Variants in PPFIA1 observed in about 807,000 individuals in gnomAD.
PPFIA1 encodes the protein liprin-alpha-1.
A neutral mutation model predicts 149.9 loss-of-function variants in PPFIA1; 25 were observed. That is an observed-to-expected ratio of 0.17 (90% CI 0.12 to 0.23). The LOEUF is 0.23. Among genes scored for constraint, PPFIA1 ranks in the 10% least tolerant of loss-of-function variants. The probability of loss-of-function intolerance (pLI) is 1.00; values close to 1 mark genes in which losing one functional copy is unlikely to be tolerated. For synonymous variants in PPFIA1, 549 were observed against 552.8 expected (o/e 0.99, Z 0.10); for missense variants, 1,362 against 1,506.5 (o/e 0.90, Z 1.59).
intron 14 of PPFIA1, among the ~76,000 whole-genome samples, chr11:70,342,398 A>G (rs528057709): frequency 2.6e-5 from 4 of 152,188 alleles, no homozygotes; most frequent in Non-Finnish European, 5.9e-5. Context: ...GTGAGGTGGC[A>G]TGAAAGAATC....
intron 2 of PPFIA1, among the ~76,000 whole-genome samples, chr11:70,321,641 G>C (rs1292795649): frequency 6.6e-6 from 1 of 152,158 alleles, no homozygotes; most frequent in Non-Finnish European, 1.5e-5. Context: ...AAAGGAAGAA[G>C]AACTTGAAAT....
chr11:70,347,525 G>T (rs1030653685), intron 15 of PPFIA1, among the ~76,000 whole-genome samples: 2 of 152,040 alleles, frequency 1.3e-5, no homozygotes, highest in Non-Finnish European at 2.9e-5. Flanking sequence ...AACATAGGAA[G>T]ACCTTGTCTC....
At chr11:70,354,982 G>A (rs1490667970) in intron 17 of PPFIA1, among the ~76,000 whole-genome samples, 1 of 151,940 alleles carries the variant, frequency 6.6e-6, no homozygotes, top group East Asian at 1.9e-4. Context: ...TGTTGCCCAG[G>A]CTGGAGTACA....
intron 9 of PPFIA1, chr11:70,333,121 C>A: frequency 2.1e-6 from 1 of 475,362 alleles, no homozygotes; most frequent in South Asian, 1.5e-5. Context: ...CTGCTCCTTG[C>A]TTGTGCTTGC....
chr11:70,339,196 G>A lies in PPFIA1; in HGVS notation c.1597G>A (p.Asp533Asn). The change falls in exon 14 of 28, where the codon GAT becomes AAT. Residue 533 changes from aspartate (D) to asparagine (N), a missense_variant. By Grantham distance (23) the Asp-to-Asn change is conservative. This residue lies in a region of PPFIA1 where 733 missense variants were observed against 744.1 expected (regional missense o/e 0.99). Transcript: ENST00000253925. ...CCGACCCCACTTGGGCAGTGTCCCA[G>A]ATTTCAGGTTCCCCATGGCAGACGG... ...HGRPHLGSVP[D>N]FRFPMADGHT... 1 of 1,613,970 alleles carries A rather than the reference G, an allele frequency of 6.2e-7. No individual in the cohort carries two copies. The highest frequency in any genetic ancestry group is 2.2e-5 in the East Asian group (1 of 44,896).
intron 4 of PPFIA1, 37 bp from the exon 5 acceptor site, chr11:70,325,463 C>T (rs1591215725): frequency 2.0e-5 from 16 of 788,120 alleles, no homozygotes; most frequent in Middle Eastern, 2.8e-4. Flanking sequence ...AAACAGTATA[C>T]ACACACACAC....
At chr11:70,296,948 A>G (rs1257640614) in intron 2 of PPFIA1, among the ~76,000 whole-genome samples, 6 of 152,108 alleles carry the variant, frequency 3.9e-5, no homozygotes, top group Non-Finnish European at 8.8e-5. Flanking sequence ...CGTGGTGAAG[A>G]TAGTTAATTC....
At chr11:70,292,680 C>A (rs901855873) in intron 2 of PPFIA1, among the ~76,000 whole-genome samples, 1 of 152,162 alleles carries the variant, frequency 6.6e-6, no homozygotes, top group African/African-American at 2.4e-5. Flanking sequence ...TGAGCCCCCA[C>A]TGAAGCCTCG....
At chr11:70,271,547 A>C (rs1223006537) in intron 1 of PPFIA1, among the ~76,000 whole-genome samples, 1 of 151,756 alleles carries the variant, frequency 6.6e-6, no homozygotes, top group South Asian at 2.1e-4. Flanking sequence ...AAACTTACGT[A>C]AGTTAGGTTG....
chr11:70,323,278 G>A (rs1265364292), intron 2 of PPFIA1, among the ~76,000 whole-genome samples: 1 of 152,080 alleles, frequency 6.6e-6, no homozygotes, highest in Non-Finnish European at 1.5e-5. Flanking sequence ...CCTGAATGAC[G>A]CCCCTGGTCT....
At chr11:70,293,959 T>TG (rs2051714894) in intron 2 of PPFIA1, among the ~76,000 whole-genome samples, 3 of 149,440 alleles carry the variant, frequency 2.0e-5, no homozygotes, top group Admixed American at 2.0e-4. Context: ...TTTTTTTTTT[T>TG]GACAGGGTCT....
chr11:70,314,942 C>T (rs535154906), intron 2 of PPFIA1, among the ~76,000 whole-genome samples: 2 of 152,220 alleles, frequency 1.3e-5, no homozygotes, highest in African/African-American at 4.8e-5. Context: ...AAGCAGGCAC[C>T]TTTTTCACTG....
At chr11:70,273,500 C>T (rs1437877116) in intron 2 of PPFIA1, among the ~76,000 whole-genome samples, 3 of 152,052 alleles carry the variant, frequency 2.0e-5, no homozygotes, top group Non-Finnish European at 4.4e-5. Flanking sequence ...ATCATAAGTG[C>T]CTTTGGGGTG....
At chr11:70,376,661 G>T in intron 25 of PPFIA1, 61 bp downstream of exon 25, 4 of 1,335,144 alleles carry the variant, frequency 3.0e-6, no homozygotes, top group Middle Eastern at 1.8e-4. Context: ...TTAAATGTGT[G>T]TGAAATGTAA....
chr11:70,314,521 A>T (rs947003442), intron 2 of PPFIA1, among the ~76,000 whole-genome samples: 2 of 152,188 alleles, frequency 1.3e-5, no homozygotes, highest in African/African-American at 4.8e-5. Context: ...ACAAAAAAAA[A>T]TTATCTTACT....
rs553526928 is a variant in PPFIA1 at position 70,356,829 on chromosome 11, G to A, written c.2582+575G>A. Among the ~76,000 whole-genome samples the A allele has an allele frequency of 3.3e-5, 5 of 152,278 alleles. No homozygotes were observed. The East Asian group carries it at 9.6e-4, about 29-fold the overall frequency. On this transcript the variant is annotated intron_variant, in intron 19 of 27. Coordinates refer to ENST00000253925, the MANE Select transcript of PPFIA1 (RefSeq NM_003626.5). ...GCATTTTTCTCTCTTCCGTAGATCG[G>A]GTAGTTTTATCTCAAATAGACTCCT...
chr11:70,343,921 A>G, intron 15 of PPFIA1, 29 bp downstream of exon 15: 2 of 1,566,212 alleles, frequency 1.3e-6, no homozygotes, highest in Middle Eastern at 2.0e-4. Context: ...GACACTCACC[A>G]CACGCATGGG....
Position 70,372,259 on chromosome 11 carries a change from G to C in PPFIA1, c.2910G>C (p.Glu970Asp), listed in dbSNP as rs1191308041. The change falls in exon 22 of 28, where the codon GAG becomes GAC. Residue 970 changes from glutamate (E) to aspartate (D), a missense_variant. By Grantham distance (45) the Glu-to-Asp change is conservative. Coordinates refer to ENST00000253925, the MANE Select transcript of PPFIA1 (RefSeq NM_003626.5). ...TGAACCACGAGTGGATCGGCAACGAGTGGCTCCCCAGCCTGGGCCTCCCCC... is the reference window on the plus strand; with the variant it reads ...TGAACCACGAGTGGATCGGCAACGACTGGCTCCCCAGCCTGGGCCTCCCCC... The part of the protein sequence containing the change: ...GDMNHEWIGN[E>D]WLPSLGLPQY... 6.2e-7 allele frequency: 1 copy of C among 1,614,182 alleles called. No individual in the cohort carries two copies. The highest frequency in any genetic ancestry group is 8.5e-7 in the Non-Finnish European group (1 of 1,180,034).
intron 21 of PPFIA1, among the ~76,000 whole-genome samples, chr11:70,368,643 T>G (rs2057075488): frequency 6.6e-6 from 1 of 152,262 alleles, no homozygotes; most frequent in Non-Finnish European, 1.5e-5. Context: ...TAAATGATAC[T>G]TTTTAAATTT....
Sources: gnomAD v4.1 joint callset for allele counts (sites outside exome capture counted in the v4.1 genomes callset) on GRCh38, gnomAD v4.1.1 for gene constraint, gnomAD v4.1.1 regional missense constraint, MANE v1.5 for transcripts, NCBI Gene and HGNC (gene_info 2026-07-23, HGNC 2026-07-21) for gene names.